RAP1GAP2: variants seen among roughly 807,000 people sequenced by gnomAD.
RAP1GAP2 encodes the protein RAP1 GTPase activating protein 2.
In RAP1GAP2, 27 loss-of-function variants were observed where a neutral mutation model predicts 95.0. The observed-to-expected ratio is 0.28, with a 90% CI of 0.21 to 0.39. The LOEUF is 0.39. Among genes scored for constraint, RAP1GAP2 ranks in the 10% least tolerant of loss-of-function variants. RAP1GAP2 has a pLI of 1.00. For synonymous variants in RAP1GAP2, 373 were observed against 380.9 expected, an observed-to-expected ratio of 0.98 and a Z score of 0.24; for missense variants, 771 against 970.0, an observed-to-expected ratio of 0.79 and a Z score of 2.72.
chr17:2,911,741 A>C (rs1039657668), intron 3 of RAP1GAP2, among the ~76,000 whole-genome samples: 6 of 151,924 alleles, frequency 3.9e-5, no homozygotes, highest in African/African-American at 1.5e-4. Context: ...AATGGCAAGC[A>C]TGGGGGTCAG....
Position 3,018,104 on chromosome 17 carries a change from G to T in RAP1GAP2, c.1538G>T (p.Gly513Val). 1 of 1,591,532 alleles carries T rather than the reference G, an allele frequency of 6.3e-7. No homozygotes were observed. Among genetic ancestry groups the T allele is most frequent in the South Asian group, 1.1e-5 (1 of 87,360 alleles). ...VRSHSMETMV[G>V]GQKKSHSGGI... ...AGCCACTCCATGGAGACCATGGTGG[G>T]CGGCCAGAAGAAGTCGCACAGTGGG... The change falls in exon 18 of 25, where the codon GGC becomes GTC. Residue 513 changes from glycine (G) to valine (V), a missense_variant. Gly to Val is a moderately radical substitution (Grantham distance 109). Transcript: ENST00000254695.
chr17:2,802,599 T>C (rs188725612), intron 2 of RAP1GAP2, among the ~76,000 whole-genome samples: 2 of 152,220 alleles, frequency 1.3e-5, no homozygotes, highest in Admixed American at 6.5e-5. Flanking sequence ...TAATCCCAGC[T>C]ACTCGGCCGA....
chr17:2,827,866 G>A lies in RAP1GAP2; in HGVS notation c.80+27316G>A, dbSNP rs915522113. Among the ~76,000 whole-genome samples the A allele has an allele frequency of 2.6e-5, 4 of 152,196 alleles. No individual in the cohort carries two copies. The highest frequency in any genetic ancestry group is 2.0e-4 in the Admixed American group (3 of 15,276). On this transcript the variant is annotated intron_variant, in intron 2 of 24. Coordinates refer to ENST00000254695, the MANE Select transcript of RAP1GAP2 (RefSeq NM_015085.5). This position sits in a 1 kb window ranked among gnomAD's most constrained non-coding sequence, Gnocchi z 4.1. ...GGGGAGGGTTCATACACGATCGGTTGCAGCAGGCACGCCAGTGACGGTGGG... is the reference window on the plus strand; with the variant it reads ...GGGGAGGGTTCATACACGATCGGTTACAGCAGGCACGCCAGTGACGGTGGG...
chr17:2,992,741 T>C (rs1310585325), intron 12 of RAP1GAP2, among the ~76,000 whole-genome samples: 1 of 152,210 alleles, frequency 6.6e-6, no homozygotes, highest in South Asian at 2.1e-4. Context: ...CTTCCTTCTC[T>C]GTCCTTCCTT....
intron 1 of RAP1GAP2, among the ~76,000 whole-genome samples, chr17:2,779,867 A>G (rs1167861097): frequency 6.6e-6 from 1 of 151,594 alleles, no homozygotes; most frequent in Middle Eastern, 3.2e-3. Context: ...AGAGACAGGG[A>G]CAGGGAGTGG....
intron 2 of RAP1GAP2, among the ~76,000 whole-genome samples, chr17:2,832,474 C>G (rs536897293): frequency 0.014 from 2,061 of 146,438 alleles, 20 homozygotes; most frequent in Non-Finnish European, 0.023. Context: ...AGGAGAATGG[C>G]GTGAACCCAG....
intron 2 of RAP1GAP2, among the ~76,000 whole-genome samples, chr17:2,808,863 G>T (rs1357362459): frequency 6.6e-6 from 1 of 152,166 alleles, no homozygotes; most frequent in Non-Finnish European, 1.5e-5. Flanking sequence ...GCAGGTGGAC[G>T]TGAGCGCTGA....
intron 22 of RAP1GAP2, among the ~76,000 whole-genome samples, chr17:3,030,251 T>C (rs1567918591): frequency 1.3e-5 from 2 of 151,798 alleles, no homozygotes; most frequent in Non-Finnish European, 2.9e-5. Flanking sequence ...ACTTCATTCG[T>C]CAGTGACATG....
intron 10 of RAP1GAP2, among the ~76,000 whole-genome samples, chr17:2,982,514 C>T (rs2004738): frequency 0.17 from 26,543 of 152,134 alleles, 2,448 homozygotes; most frequent in East Asian, 0.21. Context: ...AGTGGCTGAG[C>T]GAATGGCGGA....
At chr17:3,019,736 G>C (rs998142333) in intron 18 of RAP1GAP2, among the ~76,000 whole-genome samples, 5 of 152,212 alleles carry the variant, frequency 3.3e-5, no homozygotes, top group Admixed American at 3.3e-4. Flanking sequence ...TCTCCATCCT[G>C]TGGATGAGGA....
At chr17:2,917,839 C>T (rs1191102653) in intron 3 of RAP1GAP2, among the ~76,000 whole-genome samples, 1 of 151,980 alleles carries the variant, frequency 6.6e-6, no homozygotes, top group Non-Finnish European at 1.5e-5. Flanking sequence ...CCTCAGCTTC[C>T]CAAGTAGCTG....
chr17:2,795,085 C>G (rs113489209), upstream of RAP1GAP2, among the ~76,000 whole-genome samples: 14,496 of 151,794 alleles, frequency 0.095, 961 homozygotes, highest in East Asian at 0.34. Flanking sequence ...ACCATGTTGG[C>G]CAGGCTGGTC....
chr17:3,025,595 C>T (rs2047085433), intron 19 of RAP1GAP2, among the ~76,000 whole-genome samples: 1 of 152,190 alleles, frequency 6.6e-6, no homozygotes, highest in Non-Finnish European at 1.5e-5. Flanking sequence ...TCCCAGGAGT[C>T]CATGTGTATT....
intron 1 of RAP1GAP2, among the ~76,000 whole-genome samples, chr17:2,786,183 G>A (rs1407169966): frequency 1.3e-5 from 2 of 152,184 alleles, no homozygotes; most frequent in Admixed American, 6.5e-5. Flanking sequence ...TTACAGGCGT[G>A]AGCCACCGCG....
intron 2 of RAP1GAP2, among the ~76,000 whole-genome samples, chr17:2,771,405 C>T (rs1162036836): frequency 1.3e-5 from 2 of 152,076 alleles, no homozygotes; most frequent in Non-Finnish European, 2.9e-5. Flanking sequence ...AACCCTTCTG[C>T]AGCCACAGCG....
In RAP1GAP2 at chr17:2,812,643, C is replaced by T. The variant is rs914753563; in HGVS notation, c.80+12093C>T. ...TGTTCCTTCCTTCCCTCCCCCAGGA[C>T]GGTGGTTCTCAAACTTTTCTACAAT... On this transcript the variant is annotated intron_variant, in intron 2 of 24. Transcript: ENST00000254695. 3.9e-5 allele frequency among the ~76,000 whole-genome samples: 6 copies of T among 152,138 alleles called. No homozygotes were observed. The East Asian group carries it at 5.8e-4, about 15-fold the overall frequency.
At chr17:2,938,225 C>T (rs1418766965) in intron 3 of RAP1GAP2, among the ~76,000 whole-genome samples, 3 of 152,154 alleles carry the variant, frequency 2.0e-5, no homozygotes, top group African/African-American at 7.2e-5. Flanking sequence ...AACTGAGGCT[C>T]AGAGGCTGAG....
At chr17:2,836,194 C>T (rs1352140773) in intron 2 of RAP1GAP2, among the ~76,000 whole-genome samples, 3 of 151,918 alleles carry the variant, frequency 2.0e-5, no homozygotes, top group African/African-American at 7.3e-5. Flanking sequence ...CCTGTGTTTC[C>T]TTGCCGGTTG....
At chr17:2,850,191 G>T (rs191000562) in intron 2 of RAP1GAP2, among the ~76,000 whole-genome samples, 1 of 150,756 alleles carries the variant, frequency 6.6e-6, no homozygotes, top group East Asian at 2.0e-4. Flanking sequence ...TAGTAGAGAC[G>T]GGGTTTCACC....
Sources: allele counts gnomAD v4.1 joint callset (sites outside exome capture counted in the v4.1 genomes callset), GRCh38; gene constraint gnomAD v4.1.1; non-coding constraint Gnocchi (gnomAD v3.1); transcripts MANE v1.5; gene names NCBI Gene and HGNC (gene_info 2026-07-23, HGNC 2026-07-21).